ITGB6: variants seen among roughly 807,000 people sequenced by gnomAD.
ITGB6 encodes integrin subunit beta 6.
A neutral mutation model predicts 84.5 loss-of-function variants in ITGB6; 80 were observed. The ratio of observed to expected loss-of-function variants is 0.95; its 90% CI spans 0.79 to 1.14. The LOEUF (loss-of-function observed/expected upper bound fraction) is 1.14. Among genes scored for constraint, ITGB6 ranks in the 50% most tolerant of loss-of-function variants. The pLI is 0.00. For missense variants in ITGB6, 1,006 were observed against 968.0 expected (o/e 1.04, Z -0.52); for synonymous variants, 383 against 354.9 (o/e 1.08, Z -0.89).
rs929323480 is a variant in ITGB6, at chr2:160,136,800, G to A, written c.1660+634C>T. Among the ~76,000 whole-genome samples the A allele has an allele frequency of 4.7e-5, 7 of 150,038 alleles. 1 individual carries two copies. The highest frequency in any genetic ancestry group is 7.4e-5 in the Non-Finnish European group (5 of 67,816). ...ATCATTCTCAGCAAACTATCACAAG[G>A]ACAAAAAACCAAACACCACATGTTC... is the stretch of plus-strand genomic sequence containing the variant. On this transcript the variant is annotated intron_variant, in intron 10 of 14. Coordinates refer to ENST00000283249, the MANE Select transcript of ITGB6 (RefSeq NM_000888.5).
intron 7 of ITGB6, among the ~76,000 whole-genome samples, chr2:160,164,551 C>T (rs1684934201): frequency 6.6e-6 from 1 of 152,048 alleles, no homozygotes. Context: ...CAAAAATTAG[C>T]TGGGCATGGT....
At chr2:160,181,397 C>T (rs746883312) in intron 4 of ITGB6, among the ~76,000 whole-genome samples, 12 of 152,186 alleles carry the variant, frequency 7.9e-5, no homozygotes, top group Non-Finnish European at 8.8e-5. Context: ...CAGAGCTCAC[C>T]GCAGCTCGGC....
At chr2:160,137,140 A>T (rs967771180) in intron 10 of ITGB6, among the ~76,000 whole-genome samples, 3 of 152,254 alleles carry the variant, frequency 2.0e-5, no homozygotes, top group Middle Eastern at 6.8e-3. Flanking sequence ...AGTTCATATA[A>T]CAGGCACTTT....
rs1217075484 is a variant in ITGB6 at position 160,101,633 on chromosome 2, A to G, written c.*103T>C. 6 of 725,552 alleles carry G rather than the reference A, an allele frequency of 8.3e-6. No individual in the cohort carries two copies. Among genetic ancestry groups the G allele is most frequent in the African/African-American group, 1.8e-5 (1 of 56,108 alleles). 44.9% of individuals were successfully genotyped at this position (725,552 alleles called of 1,614,324 possible). On this transcript the variant is annotated 3_prime_UTR_variant, in exon 15 of 15. Coordinates refer to ENST00000283249, the MANE Select transcript of ITGB6 (RefSeq NM_000888.5). Reference sequence around the variant, plus strand: ...ACTTATCTGCAGATGTCCTATTATTATCTTAAACCAACCTCATTTTGAAGC... The same window carrying G: ...ACTTATCTGCAGATGTCCTATTATTGTCTTAAACCAACCTCATTTTGAAGC...
intron 6 of ITGB6, among the ~76,000 whole-genome samples, chr2:160,172,342 A>G (rs565272997): frequency 6.6e-6 from 1 of 152,302 alleles, no homozygotes; most frequent in Non-Finnish European, 1.5e-5. Context: ...TTCTGGGATC[A>G]TGGGATTCAT....
intron 10 of ITGB6, among the ~76,000 whole-genome samples, chr2:160,134,458 C>T (rs892030514): frequency 7.2e-5 from 11 of 152,122 alleles, no homozygotes; most frequent in Admixed American, 5.2e-4. Flanking sequence ...GGATTCACAG[C>T]CAAATTCTAC....
At chr2:160,135,663 G>A (rs1228262859) in intron 10 of ITGB6, among the ~76,000 whole-genome samples, 1 of 150,962 alleles carries the variant, frequency 6.6e-6, no homozygotes, top group Non-Finnish European at 1.5e-5. Context: ...ATACTACAAG[G>A]CTACAGTAAC....
intron 4 of ITGB6, among the ~76,000 whole-genome samples, chr2:160,181,826 G>A (rs777186353): frequency 2.0e-5 from 3 of 152,314 alleles, no homozygotes; most frequent in African/African-American, 7.2e-5. Flanking sequence ...TGTAGCCTCC[G>A]CTGGTGATAC....
intron 10 of ITGB6, among the ~76,000 whole-genome samples, chr2:160,136,169 A>G (rs577430192): frequency 2.2e-4 from 34 of 152,366 alleles, no homozygotes; most frequent in Non-Finnish European, 4.3e-4. Context: ...ACAAAGGGCT[A>G]ACATCCAGAA....
intron 7 of ITGB6, among the ~76,000 whole-genome samples, chr2:160,154,926 G>T (rs1403238250): frequency 1.3e-5 from 2 of 152,212 alleles, no homozygotes; most frequent in Admixed American, 6.5e-5. Context: ...GAAGGGGCCT[G>T]GTTGGAGGTG....
intron 4 of ITGB6, among the ~76,000 whole-genome samples, chr2:160,194,028 G>A (rs1686239591): frequency 1.3e-5 from 2 of 152,088 alleles, no homozygotes; most frequent in Non-Finnish European, 2.9e-5. Context: ...ATGGTGGCAG[G>A]TGCCTGTAAT....
intron 10 of ITGB6, 35 bp from the exon 11 acceptor site, chr2:160,126,636 C>T (rs1279596776): frequency 1.3e-6 from 2 of 1,583,348 alleles, no homozygotes; most frequent in African/African-American, 2.7e-5. Context: ...TCTCACAGCC[C>T]CAAAACACTT....
At chr2:160,105,043 T>C (rs759609594) in intron 14 of ITGB6, among the ~76,000 whole-genome samples, 6 of 152,208 alleles carry the variant, frequency 3.9e-5, no homozygotes, top group African/African-American at 1.2e-4. Context: ...CTCAGTTAAA[T>C]TGAAGACCCC....
intron 13 of ITGB6, among the ~76,000 whole-genome samples, chr2:160,109,524 G>A (rs142116322): frequency 1.3e-5 from 2 of 152,160 alleles, no homozygotes; most frequent in Non-Finnish European, 2.9e-5. Flanking sequence ...AAATGGGTGC[G>A]GTCTGGCAGA....
intron 10 of ITGB6, among the ~76,000 whole-genome samples, chr2:160,131,891 G>A (rs1490108976): frequency 6.6e-6 from 1 of 152,054 alleles, no homozygotes; most frequent in Non-Finnish European, 1.5e-5. Flanking sequence ...CTCATGCATG[G>A]TAAAAAATAA....
intron 14 of ITGB6, among the ~76,000 whole-genome samples, chr2:160,107,302 T>C (rs979686397): frequency 2.6e-5 from 4 of 152,306 alleles, no homozygotes; most frequent in Non-Finnish European, 4.4e-5. Context: ...CATTATAACA[T>C]AACCAATTTA....
intron 7 of ITGB6, among the ~76,000 whole-genome samples, chr2:160,158,540 C>A (rs984487120): frequency 6.6e-6 from 1 of 152,164 alleles, no homozygotes; most frequent in African/African-American, 2.4e-5. Context: ...GAATTGCAGA[C>A]CTTTGCTGAC....
chr2:160,195,716 A>T, intron 3 of ITGB6, 101 bp from the exon 4 acceptor site: 3 of 1,260,078 alleles, frequency 2.4e-6, no homozygotes, highest in South Asian at 1.4e-5. Flanking sequence ...CTCAATAAGA[A>T]CTTACTGAAA....
At chr2:160,148,939 A>C (rs1002418196) in intron 7 of ITGB6, among the ~76,000 whole-genome samples, 4 of 152,262 alleles carry the variant, frequency 2.6e-5, no homozygotes, top group Non-Finnish European at 4.4e-5. Flanking sequence ...TAAACAAAGC[A>C]GCCAGGAAGC....
Sources: gnomAD v4.1 joint callset for allele counts (sites outside exome capture counted in the v4.1 genomes callset) on GRCh38, gnomAD v4.1.1 for gene constraint, MANE v1.5 for transcripts, NCBI Gene and HGNC (gene_info 2026-07-23, HGNC 2026-07-21) for gene names.